The following RABGAP1 variants were observed in gnomAD, a reference collection of about 807,000 sequenced individuals.
RABGAP1 encodes rab GTPase-activating protein 1.
RABGAP1 carries 23 observed loss-of-function variants against 137.6 expected under a neutral mutation model. That is an observed-to-expected ratio of 0.17 (90% CI 0.12 to 0.24). The LOEUF (loss-of-function observed/expected upper bound fraction) is 0.24. Among genes scored for constraint, RABGAP1 ranks in the 10% least tolerant of loss-of-function variants. The pLI is 1.00. For missense variants in RABGAP1, 906 were observed against 1,275.8 expected (o/e 0.71, Z 4.42); for synonymous variants, 451 against 450.7 (o/e 1.00, Z -0.01).
At chr9:122,946,011 T>C (rs1833928850) in intron 1 of RABGAP1, 1 of 152,124 alleles carries the variant, frequency 6.6e-6, no homozygotes, top group Non-Finnish European at 1.5e-5. Context: ...AGTGCAGTAG[T>C]GAGAACGGGG....
rs375643094 is a variant in RABGAP1, at chr9:122,989,470, C to T, written c.764C>T (p.Ala255Val). The T allele has an allele frequency of 1.5e-5, 24 of 1,613,560 alleles. No individual in the cohort carries two copies. The highest frequency in any genetic ancestry group is 1.9e-5 in the Non-Finnish European group (23 of 1,179,924). Residue 255 changes from alanine (A) to valine (V), a missense_variant and splice_region_variant, in exon 5 of 26, where the codon GCT becomes GTT. Around this residue, in one of 9 missense-constraint regions of RABGAP1, gnomAD observed 331 missense variants for 358.3 expected, o/e 0.92. Transcript: ENST00000373647. ...IHVFRCEIQE[A>V]VSRILYSFAT... is the part of the protein sequence containing the mutation. ...GTCTTCCGGTGTGAAATACAAGAAG[C>T]TGTAAGTCCTCAAGAGAAAACTCTC...
At chr9:122,984,747 C>A in intron 3 of RABGAP1, 28 bp downstream of exon 3, 1 of 1,594,358 alleles carries the variant, frequency 6.3e-7, no homozygotes, top group South Asian at 1.1e-5. Flanking sequence ...GCTTGCGTAA[C>A]TGAAGGTTAT....
At chr9:123,102,204 A>G (rs2035365996) in intron 25 of RABGAP1, among the ~76,000 whole-genome samples, 1 of 152,178 alleles carries the variant, frequency 6.6e-6, no homozygotes, top group African/African-American at 2.4e-5. Context: ...TTATAAATGC[A>G]AGCTTTTGTT....
At chr9:123,094,725 T>TCA (rs2035128563) in intron 21 of RABGAP1, among the ~76,000 whole-genome samples, 1 of 152,186 alleles carries the variant, frequency 6.6e-6, no homozygotes, top group African/African-American at 2.4e-5. Context: ...GTTCTTTGAT[T>TCA]AAGTCTTTAG....
chr9:123,027,108 C>CTTTTTTTTTT (rs71388345), intron 13 of RABGAP1, among the ~76,000 whole-genome samples: 2 of 100,066 alleles, frequency 2.0e-5, no homozygotes, highest in African/African-American at 6.8e-5. Flanking sequence ...TCTTTCTTTT[C>CTTTTTTTTTT]TTTTTTTTTT....
chr9:122,998,118 G>C (rs1384746631), intron 9 of RABGAP1, among the ~76,000 whole-genome samples: 1 of 150,996 alleles, frequency 6.6e-6, no homozygotes, highest in East Asian at 1.9e-4. Flanking sequence ...ATTTATTTTT[G>C]AGACAGAGTC....
chr9:123,082,503 T>C (rs1456618923), intron 19 of RABGAP1, among the ~76,000 whole-genome samples: 1 of 152,216 alleles, frequency 6.6e-6, no homozygotes. Context: ...TCAAGAAATA[T>C]GCAAGGGAAG....
intron 1 of RABGAP1, among the ~76,000 whole-genome samples, chr9:122,952,860 A>G (rs1432276860): frequency 6.6e-6 from 1 of 152,204 alleles, no homozygotes; most frequent in Non-Finnish European, 1.5e-5. Flanking sequence ...CTTACCTACC[A>G]AATACCAGGC....
At chr9:122,993,397 G>A (rs1189761215) in intron 6 of RABGAP1, among the ~76,000 whole-genome samples, 5 of 151,754 alleles carry the variant, frequency 3.3e-5, no homozygotes, top group Admixed American at 6.6e-5. Context: ...TCAACCTCCC[G>A]AGTAGCTGGA....
At chr9:123,083,276 T>C (rs1225839941) in intron 19 of RABGAP1, among the ~76,000 whole-genome samples, 2 of 152,248 alleles carry the variant, frequency 1.3e-5, no homozygotes, top group African/African-American at 4.8e-5. Flanking sequence ...AGTAATGTAA[T>C]CTCAATCTCT....
At chr9:123,049,807 G>A (rs909742867) in intron 13 of RABGAP1, among the ~76,000 whole-genome samples, 3 of 152,236 alleles carry the variant, frequency 2.0e-5, no homozygotes, top group Non-Finnish European at 2.9e-5. Flanking sequence ...CAAGTCTGTT[G>A]AGAAAGAGCT....
chr9:123,030,702 A>G (rs1019466190), intron 13 of RABGAP1, among the ~76,000 whole-genome samples: 1 of 152,180 alleles, frequency 6.6e-6, no homozygotes, highest in Non-Finnish European at 1.5e-5. Context: ...GGGAACATTC[A>G]GTAACCTCCT....
chr9:123,088,486 A>G (rs774546332), intron 19 of RABGAP1, among the ~76,000 whole-genome samples: 2 of 152,166 alleles, frequency 1.3e-5, no homozygotes, highest in Non-Finnish European at 2.9e-5. Context: ...AAGGAAAGAT[A>G]GTCACCCAGC....
At chr9:123,101,150 A>G (rs1464211286) in intron 24 of RABGAP1, among the ~76,000 whole-genome samples, 2 of 152,182 alleles carry the variant, frequency 1.3e-5, no homozygotes, top group African/African-American at 4.8e-5. Flanking sequence ...CAATGTTATA[A>G]AAGTTCCTCA....
At chr9:122,935,771 G>A in the RABGAP1 span, among the ~76,000 whole-genome samples, 1 of 152,164 alleles carries the variant, frequency 6.6e-6, no homozygotes, top group East Asian at 1.9e-4. Flanking sequence ...TTGTTTCTCT[G>A]TATGGCTTTG....
chr9:123,006,375 T>G (rs1719784402), intron 10 of RABGAP1, among the ~76,000 whole-genome samples: 1 of 152,358 alleles, frequency 6.6e-6, no homozygotes, highest in Non-Finnish European at 1.5e-5. Context: ...TCCTGTGTAC[T>G]CTGGTATATA....
intron 14 of RABGAP1, 144 bp downstream of exon 14, chr9:123,065,605 AG>A (rs2034144088): frequency 1.5e-6 from 1 of 675,744 alleles, no homozygotes; most frequent in African/African-American, 1.8e-5. Flanking sequence ...GTCAAAGGTG[AG>A]AACACAATTT....
intron 13 of RABGAP1, among the ~76,000 whole-genome samples, chr9:123,058,050 A>AGAG (rs1564167223): frequency 1.0e-4 from 14 of 136,940 alleles, no homozygotes; most frequent in East Asian, 2.3e-4. Flanking sequence ...GTGGAAAGAG[A>AGAG]GGGGAGAGGG....
At chr9:123,002,334 A>G (rs1837364355) in intron 10 of RABGAP1, among the ~76,000 whole-genome samples, 1 of 145,828 alleles carries the variant, frequency 6.9e-6, no homozygotes, top group South Asian at 2.2e-4. Context: ...GTAAATAGAA[A>G]TTAGTTGTAT....
Sources: allele counts gnomAD v4.1 joint callset (sites outside exome capture counted in the v4.1 genomes callset), GRCh38; gene constraint gnomAD v4.1.1; regional missense constraint gnomAD v4.1.1; transcripts MANE v1.5; gene names NCBI Gene and HGNC (gene_info 2026-07-23, HGNC 2026-07-21).